The following CFAP58 variants were observed in gnomAD, a reference collection of about 807,000 sequenced individuals.
The protein encoded by CFAP58 is cilia and flagella associated protein 58.
In CFAP58, 88 loss-of-function variants were observed where a neutral mutation model predicts 119.5. The observed-to-expected ratio is 0.74, with a 90% CI of 0.62 to 0.88. The LOEUF (loss-of-function observed/expected upper bound fraction) is 0.88, where lower values mean the gene tolerates loss of function less well. Among genes scored for constraint, CFAP58 ranks in the 40% least tolerant of loss-of-function variants. CFAP58 has a pLI of 0.00. For synonymous variants in CFAP58, 365 were observed against 366.3 expected (o/e 1.00, Z 0.04); for missense variants, 990 against 1,021.2 (o/e 0.97, Z 0.42).
intron 9 of CFAP58, among the ~76,000 whole-genome samples, 194 bp downstream of exon 9, chr10:104,380,414 A>G (rs79628639): frequency 1.6e-3 from 250 of 152,274 alleles, no homozygotes; most frequent in African/African-American, 5.8e-3. Flanking sequence ...GAAAAGGACA[A>G]TGTTTATGCT....
At chr10:104,385,154 C>A (rs560321813) in intron 9 of CFAP58, among the ~76,000 whole-genome samples, 1 of 152,200 alleles carries the variant, frequency 6.6e-6, no homozygotes, top group East Asian at 1.9e-4. Flanking sequence ...GTGCAAGAGA[C>A]AAGATGCACC....
intron 2 of CFAP58, among the ~76,000 whole-genome samples, chr10:104,359,257 A>T (rs113397308): frequency 0.012 from 1,771 of 152,242 alleles, 46 homozygotes; most frequent in African/African-American, 0.041. Flanking sequence ...CATAATTAAA[A>T]CCCTAAATAT....
At position 104,364,823 on chromosome 10, in the gene CFAP58, T is replaced by G. The variant is rs533148891; in HGVS notation, c.531T>G (p.Ala177=). The G allele has an allele frequency of 6.2e-7, 1 of 1,612,766 alleles. No individual in the cohort carries two copies. The highest frequency in any genetic ancestry group is 1.3e-5 in the African/African-American group (1 of 74,730). ...TGGTAAAATTACGAGAATCCCTAGC[T>G]CAGACCACTGAACAGCAGCAGGAAA... is the stretch of plus-strand genomic sequence containing the variant. ...SEVVKLRESL[A]QTTEQQQETE... Residue 177 remains alanine (A), a synonymous_variant, in exon 4 of 18, where the codon GCT becomes GCG. Coordinates refer to ENST00000369704, the MANE Select transcript of CFAP58 (RefSeq NM_001008723.2).
chr10:104,340,177 G>A, the CFAP58 span, among the ~76,000 whole-genome samples: 1 of 152,168 alleles, frequency 6.6e-6, no homozygotes, highest in African/African-American at 2.4e-5. Flanking sequence ...TGGCTTGTAA[G>A]TCGTTCATGA....
At chr10:104,444,705 G>A (rs1228127557) in intron 15 of CFAP58, among the ~76,000 whole-genome samples, 1 of 152,206 alleles carries the variant, frequency 6.6e-6, no homozygotes, top group Non-Finnish European at 1.5e-5. Flanking sequence ...GTTTTCCACT[G>A]TAAGCATTGA....
intron 1 of CFAP58, among the ~76,000 whole-genome samples, chr10:104,358,063 A>G (rs1351465725): frequency 1.3e-5 from 2 of 149,790 alleles, no homozygotes; most frequent in South Asian, 2.1e-4. Context: ...ATGTACATAT[A>G]TACACATATG....
chr10:104,342,666 CAA>C, the CFAP58 span, among the ~76,000 whole-genome samples: 2,205 of 90,400 alleles, frequency 0.024, 45 homozygotes, highest in African/African-American at 0.082. Context: ...CCCGTCTATA[CAA>C]AAAAAAAAAA....
In CFAP58 at chr10:104,454,540, G is replaced by T. The variant is rs770279257; in HGVS notation, c.*10G>T. The stretch of plus-strand genomic sequence containing the variant: ...CAAAATGACGTTCTAACCTGAAGCT[G>T]CTGGCTGTTTCCAGTTGAACAACTC... On this transcript the variant is annotated 3_prime_UTR_variant, in exon 18 of 18. Transcript: ENST00000369704. 6.3e-7 allele frequency: 1 copy of T among 1,597,576 alleles called. No homozygotes were observed. The highest frequency in any genetic ancestry group is 8.6e-7 in the Non-Finnish European group (1 of 1,165,296).
intron 15 of CFAP58, among the ~76,000 whole-genome samples, chr10:104,438,361 GTTTTTTTTTTTTGT>G (rs1462880617): frequency 3.4e-5 from 2 of 59,330 alleles, no homozygotes; most frequent in African/African-American, 7.3e-5. Context: ...TTTTTTTTTT[GTTTTTTTTTTTTGT>G]TTTTTTTTTT....
At chr10:104,364,986 C>T in intron 4 of CFAP58, 97 bp downstream of exon 4, 11 of 1,232,626 alleles carry the variant, frequency 8.9e-6, no homozygotes, top group South Asian at 1.4e-5. Context: ...CTCAAATTTA[C>T]CCCCTAGCGC....
chr10:104,405,165 G>T (rs1460319026), intron 14 of CFAP58, among the ~76,000 whole-genome samples: 1 of 152,192 alleles, frequency 6.6e-6, no homozygotes, highest in Non-Finnish European at 1.5e-5. Context: ...ACCCTGCCGG[G>T]TGAATGTGTG....
At chr10:104,363,528 T>C (rs2014700165) in intron 3 of CFAP58, among the ~76,000 whole-genome samples, 1 of 152,192 alleles carries the variant, frequency 6.6e-6, no homozygotes, top group Admixed American at 6.5e-5. Context: ...AAGTCAAGCA[T>C]ATTCAGAGCA....
At chr10:104,358,680 T>G in intron 2 of CFAP58, 58 bp downstream of exon 2, 1 of 1,514,410 alleles carries the variant, frequency 6.6e-7, no homozygotes. Flanking sequence ...TCTCTCATTA[T>G]ATTGGCACCT....
Position 104,407,775 on chromosome 10 carries a change from C to T in CFAP58, c.2256+982C>T, listed in dbSNP as rs553988791. Among the ~76,000 whole-genome samples the T allele has an allele frequency of 3.3e-5, 5 of 152,308 alleles. No homozygotes were observed. In the South Asian group the frequency reaches 8.3e-4, roughly 25 times the overall value. The stretch of plus-strand genomic sequence containing the variant: ...GCAGTGGCGCCATCTCGGTTCACTG[C>T]AGCCTCTGCCTCCCAGGTTCAAGTG... On this transcript the variant is annotated intron_variant, in intron 15 of 17. Transcript: ENST00000369704.
intron 9 of CFAP58, among the ~76,000 whole-genome samples, chr10:104,385,027 C>A (rs773565692): frequency 6.6e-6 from 1 of 152,088 alleles, no homozygotes; most frequent in Non-Finnish European, 1.5e-5. Flanking sequence ...ATTTTAAGTT[C>A]CTCAAACCTC....
intron 4 of CFAP58, among the ~76,000 whole-genome samples, chr10:104,365,154 A>T (rs1335421613): frequency 6.6e-6 from 1 of 152,172 alleles, no homozygotes; most frequent in Non-Finnish European, 1.5e-5. Context: ...GCTCAAAAAG[A>T]TGATCTCCAT....
intron 12 of CFAP58, 35 bp downstream of exon 12, chr10:104,399,535 T>A: frequency 6.2e-7 from 1 of 1,605,862 alleles, no homozygotes; most frequent in South Asian, 1.1e-5. Flanking sequence ...GCAGACCTTG[T>A]CAACAGACAC....
At chr10:104,447,439 T>C (rs950466947) in intron 15 of CFAP58, among the ~76,000 whole-genome samples, 2 of 152,206 alleles carry the variant, frequency 1.3e-5, no homozygotes, top group African/African-American at 4.8e-5. Flanking sequence ...TCCCAGTCCT[T>C]GTGATCTTAT....
At chr10:104,411,977 C>T (rs1284024291) in intron 15 of CFAP58, among the ~76,000 whole-genome samples, 1 of 152,146 alleles carries the variant, frequency 6.6e-6, no homozygotes, top group African/African-American at 2.4e-5. Context: ...AATCCAGGCC[C>T]TTTGTTCAGC....
Sources: gnomAD v4.1 joint callset for allele counts (sites outside exome capture counted in the v4.1 genomes callset) on GRCh38, gnomAD v4.1.1 for gene constraint, MANE v1.5 for transcripts, NCBI Gene and HGNC (gene_info 2026-07-23, HGNC 2026-07-21) for gene names.